Variants in PIGF observed in about 807,000 individuals in gnomAD.
PIGF encodes GPI ethanolamine phosphate transferase, stabilizing subunit.
In PIGF, 23 loss-of-function variants were observed where a neutral mutation model predicts 26.0. The ratio of observed to expected loss-of-function variants is 0.88; its 90% CI spans 0.64 to 1.25. The LOEUF is 1.25. Ranked by LOEUF, PIGF falls within the 50% of genes most tolerant of loss-of-function variation. The pLI, the probability that PIGF is intolerant of heterozygous loss-of-function variation, is 0.00. For missense variants in PIGF, 278 were observed against 249.9 expected (o/e 1.11, Z -0.76); for synonymous variants, 93 against 92.6 (o/e 1.00, Z -0.03).
chr2:46,613,928 T>G, intron 2 of PIGF, 143 bp from the exon 3 acceptor site: 2 of 679,062 alleles, frequency 2.9e-6, no homozygotes, highest in Non-Finnish European at 5.0e-6. Context: ...TCAGATCACA[T>G]GTCCTGTACC....
chr2:46,603,994 C>T (rs1178800982), intron 4 of PIGF, among the ~76,000 whole-genome samples: 1 of 151,866 alleles, frequency 6.6e-6, no homozygotes, highest in Non-Finnish European at 1.5e-5. Flanking sequence ...ATATAGAGAG[C>T]TCAAACAACT....
intron 2 of PIGF, 82 bp from the exon 3 acceptor site, chr2:46,613,867 C>G: frequency 8.4e-7 from 1 of 1,184,630 alleles, no homozygotes; most frequent in Non-Finnish European, 1.2e-6. Context: ...ACAAACACAA[C>G]TTGTTCCCAT....
At chr2:46,594,131 T>C (rs1338826414) in intron 4 of PIGF, among the ~76,000 whole-genome samples, 1 of 152,242 alleles carries the variant, frequency 6.6e-6, no homozygotes, top group Non-Finnish European at 1.5e-5. Context: ...GTTCCAATGT[T>C]GGAAGGAAAA....
intron 4 of PIGF, among the ~76,000 whole-genome samples, chr2:46,595,398 T>C (rs1299305517): frequency 6.6e-6 from 1 of 152,222 alleles, no homozygotes. Flanking sequence ...GCATAATGTT[T>C]TCAAGGTTCA....
rs748338430 is a variant in PIGF at position 46,588,132 on chromosome 2, G to A, written c.546+4343C>T. On this transcript the variant is annotated intron_variant, in intron 5 of 5. Transcript: ENST00000281382. This position sits in a 1 kb window ranked among gnomAD's most constrained non-coding sequence, Gnocchi z 4.1. ...ATTTCACAGTACCAAGCCCCCTGCA[G>A]GGTACATGGAGAGATCTATAAGTGC... 2 of 1,611,960 alleles carry A rather than the reference G, an allele frequency of 1.2e-6. No individual in the cohort carries two copies. The highest frequency in any genetic ancestry group is 1.3e-5 in the African/African-American group (1 of 74,766).
At chr2:46,615,921 GCTGA>G (rs1263250549) in intron 1 of PIGF, 1 of 152,262 alleles carries the variant, frequency 6.6e-6, no homozygotes, top group Middle Eastern at 3.4e-3. Flanking sequence ...TTACCTGAGA[GCTGA>G]CTAATTGTAC....
intron 4 of PIGF, among the ~76,000 whole-genome samples, chr2:46,608,627 G>A (rs1558709434): frequency 6.6e-6 from 1 of 152,142 alleles, no homozygotes. Flanking sequence ...AATAAGACTT[G>A]AAAATCAAAA....
chr2:46,588,039 G>C lies in PIGF; in HGVS notation c.546+4436C>G. 6.7e-7 allele frequency: 1 copy of C among 1,499,600 alleles called. No homozygotes were observed. The highest frequency in any genetic ancestry group is 2.6e-5 in the East Asian group (1 of 38,594). 92.9% of individuals were successfully genotyped at this position (1,499,600 alleles called of 1,614,324 possible). On this transcript the variant is annotated intron_variant, in intron 5 of 5. Transcript: ENST00000281382. This position sits in a 1 kb window ranked among gnomAD's most constrained non-coding sequence, Gnocchi z 4.1. ...TGTGTACTCCTCCCCTCTCACACTTGGACTTTCTAGTGTATAAAATGGGAG... is the reference window on the plus strand; with the variant it reads ...TGTGTACTCCTCCCCTCTCACACTTCGACTTTCTAGTGTATAAAATGGGAG...
chr2:46,590,221 G>C (rs989144045), intron 5 of PIGF, among the ~76,000 whole-genome samples: 2 of 151,944 alleles, frequency 1.3e-5, no homozygotes, highest in Non-Finnish European at 2.9e-5. Context: ...AATTCAAATG[G>C]AAACTTTACA....
chr2:46,599,107 G>C (rs148458053), intron 4 of PIGF, among the ~76,000 whole-genome samples: 4 of 152,346 alleles, frequency 2.6e-5, no homozygotes, highest in African/African-American at 9.6e-5. Context: ...CATGGTTTGA[G>C]ATGTAGGATT....
In PIGF at chr2:46,610,170, A is replaced by C. The variant is rs76341982; in HGVS notation, c.437+2058T>G. ...TGTTTTAGTGTTATGACCTAACCCC[A>C]TCTTTCCCATAAGCTCTGTGGTTTT... is the stretch of plus-strand genomic sequence containing the variant. On this transcript the variant is annotated intron_variant, in intron 4 of 5. Transcript: ENST00000281382. Among the ~76,000 whole-genome samples the C allele has an allele frequency of 2.6e-5, 4 of 152,330 alleles. No homozygotes were observed. In the East Asian group the frequency reaches 5.8e-4, roughly 22 times the overall value.
Position 46,588,208 on chromosome 2 carries a change from T to C in PIGF, c.546+4267A>G, listed in dbSNP as rs1381113025. On this transcript the variant is annotated intron_variant, in intron 5 of 5. Coordinates refer to ENST00000281382, the MANE Select transcript of PIGF (RefSeq NM_002643.4). The surrounding 1 kb of genome is among the most constrained non-coding windows in gnomAD (Gnocchi z 4.1). ...AAATGTCAGACAGGATTGAAAATTA[T>C]GTGAAATCCAAATACCCTAAATTGG... is the stretch of plus-strand genomic sequence containing the variant. The C allele has an allele frequency of 1.2e-6, 2 of 1,609,330 alleles. No individual in the cohort carries two copies. Among genetic ancestry groups the C allele is most frequent in the Admixed American group, 1.7e-5 (1 of 59,308 alleles).
At position 46,617,023 on chromosome 2, in the gene PIGF, G is replaced by A. The variant is rs1281902443; in HGVS notation, c.-75C>T. 11 of 586,450 alleles carry A rather than the reference G, an allele frequency of 1.9e-5. No homozygotes were observed. In the East Asian group the frequency reaches 2.1e-4, roughly 11 times the overall value. The allele number at this position is 586,450 out of a possible 1,614,324, so 36.3% of individuals were successfully genotyped here. ...GGGGAACTACTGCCTCCTACCATCA[G>A]GTACGACGGGCGGCCCAGGCCCACG... On this transcript the variant is annotated 5_prime_UTR_variant, in exon 1 of 6. Coordinates refer to ENST00000281382, the MANE Select transcript of PIGF (RefSeq NM_002643.4).
In PIGF at chr2:46,581,178, A is replaced by C. The variant is rs1669354928; in HGVS notation, c.*300T>G. 5 of 1,072,150 alleles carry C rather than the reference A, an allele frequency of 4.7e-6. No individual in the cohort carries two copies. The highest frequency in any genetic ancestry group is 5.7e-5 in the Admixed American group (2 of 34,964). 66.4% of individuals were successfully genotyped at this position (1,072,150 alleles called of 1,614,324 possible). The stretch of plus-strand genomic sequence containing the variant: ...CCAGACCTTTTATAGGTAATGAAGC[A>C]GTTCAAAACTTGAAAGAAAACAAAA... On this transcript the variant is annotated 3_prime_UTR_variant, in exon 6 of 6. Coordinates refer to ENST00000281382, the MANE Select transcript of PIGF (RefSeq NM_002643.4).
intron 4 of PIGF, among the ~76,000 whole-genome samples, chr2:46,606,630 A>G (rs1467179208): frequency 6.6e-6 from 1 of 152,202 alleles, no homozygotes; most frequent in African/African-American, 2.4e-5. Context: ...TGGGTCGAAG[A>G]AGTATATTTG....
chr2:46,615,897 T>C (rs1191794998), intron 1 of PIGF: 1 of 152,146 alleles, frequency 6.6e-6, no homozygotes, highest in African/African-American at 2.4e-5. Context: ...GTCTCTAAAA[T>C]ACACGTATTT....
chr2:46,609,102 GT>G (rs1266086762), intron 4 of PIGF, among the ~76,000 whole-genome samples: 2 of 152,214 alleles, frequency 1.3e-5, no homozygotes, highest in African/African-American at 4.8e-5. Flanking sequence ...TTAAAAATCT[GT>G]TATTTAGCCA....
chr2:46,599,171 G>C (rs1669981336), intron 4 of PIGF, among the ~76,000 whole-genome samples: 1 of 152,120 alleles, frequency 6.6e-6, no homozygotes, highest in Non-Finnish European at 1.5e-5. Flanking sequence ...CAGTATCTGG[G>C]GACAGCTAGA....
At chr2:46,602,243 G>C (rs1010822524) in intron 4 of PIGF, among the ~76,000 whole-genome samples, 3 of 151,806 alleles carry the variant, frequency 2.0e-5, no homozygotes, top group Admixed American at 2.0e-4. Context: ...GAGAAATCCT[G>C]TTAAAATAGT....
Sources: allele counts gnomAD v4.1 joint callset (sites outside exome capture counted in the v4.1 genomes callset), GRCh38; gene constraint gnomAD v4.1.1; non-coding constraint Gnocchi (gnomAD v3.1); transcripts MANE v1.5; gene names NCBI Gene and HGNC (gene_info 2026-07-23, HGNC 2026-07-21).